Variants in ADCY8 observed in about 807,000 individuals in gnomAD.
ADCY8 encodes the protein adenylate cyclase type 8.
In ADCY8, 51 loss-of-function variants were observed where a neutral mutation model predicts 119.7. The observed-to-expected ratio is 0.43, with a 90% confidence interval of 0.34 to 0.54. The LOEUF is 0.54. ADCY8 is among the 20% of genes least tolerant of loss of function. ADCY8 has a pLI of 0.03. For missense variants in ADCY8, 1,383 were observed against 1,598.8 expected, an observed-to-expected ratio of 0.87 and a Z score of 2.30; for synonymous variants, 665 against 651.0, an observed-to-expected ratio of 1.02 and a Z score of -0.33.
chr8:130,997,161 T>A (rs1215141594), intron 1 of ADCY8, among the ~76,000 whole-genome samples: 1 of 152,098 alleles, frequency 6.6e-6, no homozygotes, highest in African/African-American at 2.4e-5. Context: ...AATGTAATAT[T>A]TTAAACTGCA....
intron 2 of ADCY8, among the ~76,000 whole-genome samples, chr8:130,952,210 A>T (rs1044606426): frequency 6.6e-6 from 1 of 152,196 alleles, no homozygotes; most frequent in Non-Finnish European, 1.5e-5. Context: ...AACCAAATGG[A>T]TGTGGTTCTG....
At chr8:130,927,903 A>C (rs1820520377) in intron 5 of ADCY8, among the ~76,000 whole-genome samples, 1 of 152,180 alleles carries the variant, frequency 6.6e-6, no homozygotes, top group Non-Finnish European at 1.5e-5. Context: ...AAAAGATTGC[A>C]ACTTTTTATT....
chr8:130,782,533 G>A (rs1181890576), intron 17 of ADCY8, among the ~76,000 whole-genome samples: 1 of 152,194 alleles, frequency 6.6e-6, no homozygotes, highest in East Asian at 1.9e-4. Context: ...TACTACGAGT[G>A]TAATATGTCA....
chr8:130,970,980 G>A (rs1014802621), intron 2 of ADCY8, among the ~76,000 whole-genome samples: 4 of 152,100 alleles, frequency 2.6e-5, no homozygotes, highest in African/African-American at 9.7e-5. Context: ...AAAGACATTC[G>A]GGATAATTTT....
At chr8:130,831,044 G>A (rs1213749015) in intron 12 of ADCY8, among the ~76,000 whole-genome samples, 1 of 152,122 alleles carries the variant, frequency 6.6e-6, no homozygotes, top group Non-Finnish European at 1.5e-5. Context: ...CAGAAGGCTT[G>A]GGCAAATAGA....
intron 11 of ADCY8, among the ~76,000 whole-genome samples, chr8:130,838,427 C>T (rs1817051282): frequency 6.6e-6 from 1 of 152,130 alleles, no homozygotes; most frequent in South Asian, 2.1e-4. Context: ...CATTTTGATG[C>T]CTCTGTATAG....
At chr8:131,023,403 A>G (rs1823733454) in intron 1 of ADCY8, among the ~76,000 whole-genome samples, 1 of 152,186 alleles carries the variant, frequency 6.6e-6, no homozygotes, top group Admixed American at 6.6e-5. Flanking sequence ...ATAAAGTGGT[A>G]GTTCTGAAAC....
intron 1 of ADCY8, among the ~76,000 whole-genome samples, chr8:131,011,661 T>C (rs1175265120): frequency 6.6e-6 from 1 of 152,120 alleles, no homozygotes; most frequent in Non-Finnish European, 1.5e-5. Flanking sequence ...GAGTGATGTG[T>C]ATTGAAGGAC....
intron 13 of ADCY8, among the ~76,000 whole-genome samples, chr8:130,816,483 T>G (rs1009485382): frequency 6.9e-6 from 1 of 144,908 alleles, no homozygotes; most frequent in Non-Finnish European, 1.5e-5. Flanking sequence ...TGGAGTGCAG[T>G]GGCACTATCT....
chr8:130,871,831 C>G (rs543066355), intron 8 of ADCY8, among the ~76,000 whole-genome samples: 21 of 152,124 alleles, frequency 1.4e-4, no homozygotes, highest in South Asian at 4.1e-4. Flanking sequence ...GATTACCCAC[C>G]ACCGGGTAGA....
At chr8:130,813,649 G>T (rs1191114446) in intron 14 of ADCY8, among the ~76,000 whole-genome samples, 1 of 151,844 alleles carries the variant, frequency 6.6e-6, no homozygotes, top group Non-Finnish European at 1.5e-5. Context: ...TGGACCCTTG[G>T]GGCTGCTTCA....
intron 5 of ADCY8, among the ~76,000 whole-genome samples, chr8:130,926,048 G>C (rs1316195831): frequency 1.3e-5 from 2 of 152,056 alleles, no homozygotes; most frequent in African/African-American, 4.8e-5. Flanking sequence ...ATTGCCTGAG[G>C]GATAAAGCCC....
chr8:130,903,861 A>T lies in ADCY8; in HGVS notation c.1822T>A (p.Ser608Thr). ...GCCCCACTGTTTCTCCGGTCTGAGG[A>T]GCTCACTGACTCCTTGACGATATCT... Reference protein sequence around the residue: ...PEDIVKESVSSSDRRNSGATF... With the variant: ...PEDIVKESVSTSDRRNSGATF... Residue 608 changes from serine to threonine, a missense_variant, in exon 7 of 18, where the codon TCC (serine) becomes ACC (threonine). Ser to Thr is a moderately conservative substitution (Grantham distance 58). Transcript: ENST00000286355. 6.2e-7 allele frequency: 1 copy of T among 1,613,958 alleles called. No individual in the cohort carries two copies. The highest frequency in any genetic ancestry group is 8.5e-7 in the Non-Finnish European group (1 of 1,179,990).
intron 1 of ADCY8, among the ~76,000 whole-genome samples, chr8:131,033,558 A>C (rs1178823882): frequency 6.6e-6 from 1 of 152,152 alleles, no homozygotes; most frequent in Non-Finnish European, 1.5e-5. Context: ...ATATTACCAG[A>C]TATGAAGGAA....
chr8:130,975,582 C>T (rs896730859), intron 2 of ADCY8, among the ~76,000 whole-genome samples: 1 of 152,158 alleles, frequency 6.6e-6, no homozygotes, highest in Non-Finnish European at 1.5e-5. Flanking sequence ...TTAGTTAAAC[C>T]ACAAGCATTT....
intron 10 of ADCY8, among the ~76,000 whole-genome samples, chr8:130,849,215 G>A (rs752057145): frequency 2.0e-5 from 3 of 152,100 alleles, no homozygotes; most frequent in South Asian, 2.1e-4. Flanking sequence ...CTTACCTCAC[G>A]GGGTTTATGT....
At chr8:130,801,612 A>G (rs1288769164) in intron 14 of ADCY8, among the ~76,000 whole-genome samples, 2 of 152,166 alleles carry the variant, frequency 1.3e-5, no homozygotes, top group Non-Finnish European at 2.9e-5. Flanking sequence ...GTGGCTATCA[A>G]CTAGGTTCTC....
intron 12 of ADCY8, among the ~76,000 whole-genome samples, chr8:130,835,109 T>G (rs1816945181): frequency 6.6e-6 from 1 of 152,182 alleles, no homozygotes; most frequent in Non-Finnish European, 1.5e-5. Flanking sequence ...CTTATTCTTT[T>G]CCTTTGACTG....
intron 2 of ADCY8, among the ~76,000 whole-genome samples, chr8:130,974,902 G>C (rs940901359): frequency 6.6e-6 from 1 of 152,156 alleles, no homozygotes. Flanking sequence ...AAGTTTTGTG[G>C]CTGTTCAGAA....
Sources: allele counts gnomAD v4.1 joint callset (sites outside exome capture counted in the v4.1 genomes callset), GRCh38; gene constraint gnomAD v4.1.1; transcripts MANE v1.5; gene names NCBI Gene and HGNC (gene_info 2026-07-23, HGNC 2026-07-21).